LRRIQ3: variants seen among roughly 807,000 people sequenced by gnomAD.
LRRIQ3 encodes leucine-rich repeat and IQ domain-containing protein 3.
In LRRIQ3, 75 loss-of-function variants were observed where a neutral mutation model predicts 59.3. The ratio of observed to expected loss-of-function variants is 1.26; its 90% CI spans 1.05 to 1.53. The LOEUF is 1.53. Among genes scored for constraint, LRRIQ3 ranks in the 40% most tolerant of loss-of-function variants. LRRIQ3 has a pLI of 0.00. For synonymous variants in LRRIQ3, 250 were observed against 231.3 expected (o/e 1.08, Z -0.73); for missense variants, 831 against 710.0 (o/e 1.17, Z -1.94).
chr1:74,160,561 C>T (rs1648601452), intron 3 of LRRIQ3, among the ~76,000 whole-genome samples: 1 of 151,950 alleles, frequency 6.6e-6, no homozygotes, highest in South Asian at 2.1e-4. Context: ...ACCGTAATTC[C>T]ATCCTATTTA....
At chr1:74,139,063 T>C (rs946335589) in intron 4 of LRRIQ3, among the ~76,000 whole-genome samples, 1 of 150,698 alleles carries the variant, frequency 6.6e-6, no homozygotes, top group Non-Finnish European at 1.5e-5. Flanking sequence ...TGTGTATATA[T>C]ATATATATAC....
At chr1:74,194,939 G>A (rs771586148) in intron 1 of LRRIQ3, among the ~76,000 whole-genome samples, 3 of 151,662 alleles carry the variant, frequency 2.0e-5, no homozygotes, top group African/African-American at 4.9e-5. Flanking sequence ...TCCCCTCCCC[G>A]AAACCTCATC....
At chr1:74,105,061 A>C (rs1646590163) in intron 5 of LRRIQ3, among the ~76,000 whole-genome samples, 2 of 152,052 alleles carry the variant, frequency 1.3e-5, no homozygotes, top group Non-Finnish European at 1.5e-5. Context: ...TTATCAAAAA[A>C]GTAAGTAAAT....
In LRRIQ3 at chr1:74,041,949, G is replaced by T; in HGVS notation, c.998-16C>A. 3 of 1,566,742 alleles carry T rather than the reference G, an allele frequency of 1.9e-6. No homozygotes were observed. The highest frequency in any genetic ancestry group is 8.6e-7 in the Non-Finnish European group (1 of 1,160,314). Reference sequence around the variant, plus strand: ...GACTCCTGACCTACATCAAACAGAAGCAAATATTATACATTATACAAGAGC... The same window carrying T: ...GACTCCTGACCTACATCAAACAGAATCAAATATTATACATTATACAAGAGC... On this transcript the variant is annotated splice_polypyrimidine_tract_variant and intron_variant, in intron 6 of 7. Transcript: ENST00000354431.
intron 1 of LRRIQ3, among the ~76,000 whole-genome samples, chr1:74,195,515 G>A (rs1016303255): frequency 6.6e-6 from 1 of 152,112 alleles, no homozygotes; most frequent in Non-Finnish European, 1.5e-5. Flanking sequence ...TTAATGGGGG[G>A]ATGAAAATGT....
intron 4 of LRRIQ3, among the ~76,000 whole-genome samples, chr1:74,128,763 A>C (rs1444788501): frequency 1.3e-5 from 2 of 152,032 alleles, no homozygotes; most frequent in East Asian, 3.9e-4. Context: ...CAGATATTTA[A>C]AGGAATTTGG....
chr1:74,041,100 G>T, intron 7 of LRRIQ3, 113 bp downstream of exon 7: 1 of 843,628 alleles, frequency 1.2e-6, no homozygotes, highest in Non-Finnish European at 1.8e-6. Context: ...ATTTTTCAAA[G>T]TAGAATGTAC....
At chr1:74,085,265 A>C (rs529631264) in intron 5 of LRRIQ3, among the ~76,000 whole-genome samples, 14 of 151,498 alleles carry the variant, frequency 9.2e-5, no homozygotes, top group African/African-American at 3.1e-4. Context: ...TATTTTAAAT[A>C]AATAAATATT....
intron 1 of LRRIQ3, among the ~76,000 whole-genome samples, chr1:74,185,622 T>C (rs1357831273): frequency 6.6e-6 from 1 of 152,178 alleles, no homozygotes; most frequent in Non-Finnish European, 1.5e-5. Flanking sequence ...TAATTTTCAT[T>C]TCATTTTTAG....
At chr1:74,158,366 A>G (rs1037961414) in intron 3 of LRRIQ3, among the ~76,000 whole-genome samples, 11 of 152,220 alleles carry the variant, frequency 7.2e-5, no homozygotes, top group Non-Finnish European at 1.3e-4. Context: ...TTTGCCACAC[A>G]AAGTCCTTCT....
chr1:74,037,409 G>A lies in LRRIQ3; in HGVS notation c.1718+3804C>T, dbSNP rs141201522. Among the ~76,000 whole-genome samples the A allele has an allele frequency of 3.8e-3, 574 of 152,128 alleles. 5 individuals carry two copies. The highest frequency in any genetic ancestry group is 0.013 in the African/African-American group (545 of 41,510). On this transcript the variant is annotated intron_variant, in intron 7 of 7. Transcript: ENST00000354431. ...TCCCAGCAATTTGGGAGGCTGAGGGGGACGGATCACCTGAGGTCAGGAGCT... is the reference window on the plus strand; with the variant it reads ...TCCCAGCAATTTGGGAGGCTGAGGGAGACGGATCACCTGAGGTCAGGAGCT...
chr1:74,090,662 A>T (rs747386673), intron 5 of LRRIQ3, among the ~76,000 whole-genome samples: 2 of 152,040 alleles, frequency 1.3e-5, no homozygotes, highest in Non-Finnish European at 2.9e-5. Context: ...CCAATGTAGG[A>T]GGACTGCTTG....
At chr1:74,048,534 A>C (rs766357147) in intron 6 of LRRIQ3, among the ~76,000 whole-genome samples, 6 of 152,170 alleles carry the variant, frequency 3.9e-5, no homozygotes, top group Non-Finnish European at 7.3e-5. Flanking sequence ...TCCTAGAATC[A>C]TTTTGATTCA....
rs117070293 is a variant in LRRIQ3, at chr1:74,158,000, C to A, written c.574-2134G>T. Among the ~76,000 whole-genome samples, 619 of 152,236 alleles carry A rather than the reference C, an allele frequency of 4.1e-3. 33 individuals carry two copies. The East Asian group carries it at 0.099, about 24-fold the overall frequency. ...ACTACCTTAGTAAATGGTACCAGTG[C>A]CCACAGTTGCCTAAACCAGAAACCC... On this transcript the variant is annotated intron_variant, in intron 3 of 7. Coordinates refer to ENST00000354431, the MANE Select transcript of LRRIQ3 (RefSeq NM_001105659.2).
chr1:74,036,397 T>C (rs1248041489), intron 7 of LRRIQ3, among the ~76,000 whole-genome samples: 1 of 152,158 alleles, frequency 6.6e-6, no homozygotes, highest in Non-Finnish European at 1.5e-5. Flanking sequence ...TTCTTTTTGT[T>C]CCAATCATAC....
intron 6 of LRRIQ3, among the ~76,000 whole-genome samples, chr1:74,063,955 T>A (rs958699559): frequency 2.0e-5 from 3 of 151,904 alleles, no homozygotes; most frequent in Non-Finnish European, 4.4e-5. Context: ...TTTAATTTTA[T>A]TTTTGAGCCA....
At chr1:74,086,477 C>A (rs1352094653) in intron 5 of LRRIQ3, among the ~76,000 whole-genome samples, 1 of 152,116 alleles carries the variant, frequency 6.6e-6, no homozygotes, top group African/African-American at 2.4e-5. Flanking sequence ...CAGACTGATT[C>A]TCTTTTTCTA....
chr1:74,140,419 A>G (rs1291772829), intron 4 of LRRIQ3, among the ~76,000 whole-genome samples: 1 of 151,752 alleles, frequency 6.6e-6, no homozygotes, highest in Admixed American at 6.6e-5. Context: ...AATATGCAAA[A>G]CAAAATTTGA....
rs774213419 is a variant in LRRIQ3 at position 74,105,128 on chromosome 1, A to G, written c.867+4266T>C. ...GTAAATAAAACATATTTGAATTTTTAAAAAGATGTATAAACCTTTAGAAAG... is the reference window on the plus strand; with the variant it reads ...GTAAATAAAACATATTTGAATTTTTGAAAAGATGTATAAACCTTTAGAAAG... On this transcript the variant is annotated intron_variant, in intron 5 of 7. Transcript: ENST00000354431. 3.5e-4 allele frequency among the ~76,000 whole-genome samples: 53 copies of G among 152,068 alleles called. 2 individuals carry two copies. The highest frequency in any genetic ancestry group is 1.0e-4 in the Non-Finnish European group (7 of 67,990).
Sources: gnomAD v4.1 joint callset for allele counts (sites outside exome capture counted in the v4.1 genomes callset) on GRCh38, gnomAD v4.1.1 for gene constraint, MANE v1.5 for transcripts, NCBI Gene and HGNC (gene_info 2026-07-23, HGNC 2026-07-21) for gene names.